The following DMP1 variants were observed in gnomAD, a reference collection of about 807,000 sequenced individuals.
DMP1 encodes dentin matrix protein 1.
A neutral mutation model predicts 14.6 loss-of-function variants in DMP1; 20 were observed. That is an observed-to-expected ratio of 1.37 (90% CI 0.96 to 1.99). DMP1 has a LOEUF of 1.99. DMP1 is among the 30% of genes most tolerant of loss of function. The pLI is 0.00. For synonymous variants in DMP1, 197 were observed against 215.3 expected, an observed-to-expected ratio of 0.91 and a Z score of 0.75; for missense variants, 567 against 620.5, an observed-to-expected ratio of 0.91 and a Z score of 0.92.
In DMP1 at chr4:87,664,046, A is replaced by G. The variant is rs1729015373; in HGVS notation, c.*726A>G. 1 of 143,838 alleles carries G rather than the reference A, an allele frequency of 7.0e-6. No homozygotes were observed. The highest frequency in any genetic ancestry group is 2.6e-5 in the African/African-American group (1 of 37,746). 8.9% of individuals were successfully genotyped at this position (143,838 alleles called of 1,614,324 possible). A position where few individuals can be genotyped will look rare whatever the true frequency, so the allele number is the denominator to read the frequency against. ...TGGATAAGAAAATCTTTTTCTCCCA[A>G]TTAATTTACCAATTCATCATTTTTT... On this transcript the variant is annotated 3_prime_UTR_variant, in exon 6 of 6. Coordinates refer to ENST00000339673, the MANE Select transcript of DMP1 (RefSeq NM_004407.4).
At chr4:87,661,204 ATTTTTTTTT>A (rs70957272) in intron 5 of DMP1, among the ~76,000 whole-genome samples, 3 of 66,654 alleles carry the variant, frequency 4.5e-5, no homozygotes, top group African/African-American at 1.2e-4. Context: ...CAGCCAGCTA[ATTTTTTTTT>A]TTTTTTTTTT....
chr4:87,662,971 A>G lies in DMP1; in HGVS notation c.1193A>G (p.Glu398Gly), dbSNP rs150997378. ...CACACACTCTCCCACTCAAAAAGTG[A>G]ATCCAGAGAGGAGCAAGCAGACAGC... Reference protein sequence around the residue: ...SSHTLSHSKSESREEQADSES... With the variant: ...SSHTLSHSKSGSREEQADSES... Residue 398 changes from glutamate (E) to glycine (G), a missense_variant, in exon 6 of 6, where the codon GAA (glutamate) becomes GGA (glycine). Physicochemically the swap from Glu to Gly is moderately conservative, Grantham distance 98. Transcript: ENST00000339673. The G allele has an allele frequency of 9.9e-6, 16 of 1,614,032 alleles. No individual in the cohort carries two copies. Among genetic ancestry groups the G allele is most frequent in the African/African-American group, 2.7e-5 (2 of 74,912 alleles).
At chr4:87,657,181 C>T in intron 3 of DMP1, 102 bp downstream of exon 3, 4 of 710,366 alleles carry the variant, frequency 5.6e-6, no homozygotes, top group Non-Finnish European at 7.5e-6. Context: ...ATGACTTCAT[C>T]AGCATATTAA....
At position 87,663,399 on chromosome 4, in the gene DMP1, T is replaced by C. The variant is rs576346276; in HGVS notation, c.*79T>C. The C allele has an allele frequency of 1.4e-5, 22 of 1,600,210 alleles. No individual in the cohort carries two copies. In the South Asian group the frequency reaches 2.4e-4, roughly 18 times the overall value. ...AATGTATCATGATAACTATAATTTA[T>C]TGATGTTTTGATCAAAAGAATAACC... On this transcript the variant is annotated 3_prime_UTR_variant, in exon 6 of 6. Coordinates refer to ENST00000339673, the MANE Select transcript of DMP1 (RefSeq NM_004407.4).
intron 2 of DMP1, 136 bp downstream of exon 2, chr4:87,656,682 T>A (rs1255015398): frequency 4.0e-6 from 3 of 750,470 alleles, no homozygotes; most frequent in South Asian, 1.4e-5. Flanking sequence ...GCTGTTTTCT[T>A]AAGAAATATC....
Position 87,662,298 on chromosome 4 carries a change from G to C in DMP1, c.520G>C (p.Val174Leu), listed in dbSNP as rs771702232. The change falls in exon 6 of 6, where the codon GTG (valine) becomes CTG (leucine). Residue 174 changes from valine to leucine, a missense_variant. Coordinates refer to ENST00000339673, the MANE Select transcript of DMP1 (RefSeq NM_004407.4). ...ESRELDNEDR[V>L]DSKPEGGDST... ...CAGGGAACTTGACAATGAGGACCGGGTGGACAGCAAGCCTGAGGGAGGTGA... is the reference window on the plus strand; with the variant it reads ...CAGGGAACTTGACAATGAGGACCGGCTGGACAGCAAGCCTGAGGGAGGTGA... 1 of 1,614,094 alleles carries C rather than the reference G, an allele frequency of 6.2e-7. No individual in the cohort carries two copies. The highest frequency in any genetic ancestry group is 1.7e-5 in the Admixed American group (1 of 60,028).
At chr4:87,658,254 C>G (rs2110013421) in intron 3 of DMP1, among the ~76,000 whole-genome samples, 1 of 152,364 alleles carries the variant, frequency 6.6e-6, no homozygotes, top group Admixed American at 6.5e-5. Flanking sequence ...AGTCCAGCAC[C>G]TCTGAAACGC....
intron 2 of DMP1, among the ~76,000 whole-genome samples, 153 bp downstream of exon 2, chr4:87,656,699 G>A (rs1333127561): frequency 4.6e-5 from 7 of 152,138 alleles, no homozygotes; most frequent in African/African-American, 1.7e-4. Flanking sequence ...TATCATTCAA[G>A]GTGTTTTTTA....
intron 2 of DMP1, 89 bp downstream of exon 2, chr4:87,656,635 A>G (rs1369448369): frequency 1.2e-6 from 1 of 862,622 alleles, no homozygotes; most frequent in Non-Finnish European, 2.0e-6. Flanking sequence ...ATGGCTGTGT[A>G]TGTTCCAGTC....
chr4:87,660,075 G>T (rs1728815874), intron 5 of DMP1, among the ~76,000 whole-genome samples: 1 of 152,126 alleles, frequency 6.6e-6, no homozygotes, highest in Admixed American at 6.6e-5. Context: ...TACTTTCTTA[G>T]CTATGCTATT....
At chr4:87,661,457 C>G (rs34029837) in intron 5 of DMP1, among the ~76,000 whole-genome samples, 1 of 151,606 alleles carries the variant, frequency 6.6e-6, no homozygotes, top group Non-Finnish European at 1.5e-5. Context: ...CTCCTGACCT[C>G]GTGATCCGCC....
chr4:87,663,253 C>G lies in DMP1; in HGVS notation c.1475C>G (p.Thr492Arg). 6.2e-7 allele frequency: 1 copy of G among 1,614,250 alleles called. No individual in the cohort carries two copies. Among genetic ancestry groups the G allele is most frequent in the Non-Finnish European group, 8.5e-7 (1 of 1,180,036 alleles). The part of the protein sequence containing the change: ...KNIEIESRKL[T>R]VDAYHNKPIG... Reference sequence around the variant, plus strand: ...ATTGAGATAGAGAGCCGGAAATTAACAGTTGATGCCTATCACAACAAACCC... The same window carrying G: ...ATTGAGATAGAGAGCCGGAAATTAAGAGTTGATGCCTATCACAACAAACCC... Residue 492 changes from threonine (T) to arginine (R), a missense_variant, in exon 6 of 6, where the codon ACA becomes AGA. Thr to Arg is a moderately conservative substitution (Grantham distance 71). Transcript: ENST00000339673.
At chr4:87,659,750 A>AAC (rs140067969) in intron 5 of DMP1, among the ~76,000 whole-genome samples, 34 of 152,060 alleles carry the variant, frequency 2.2e-4, no homozygotes, top group African/African-American at 4.1e-4. Context: ...CATGCGCAGA[A>AAC]ACACACACAC....
rs1263392942 is a variant in DMP1, at chr4:87,662,141, A to G, written c.363A>G (p.Pro121=). ...CCTTTGGTGACGATGACAGTGGCCC[A>G]GGGCCCAAAGACAGACAAGAAGGAG... is the stretch of plus-strand genomic sequence containing the variant. ...DDTFGDDDSG[P]GPKDRQEGGN... is the part of the protein sequence containing the mutation. The change falls in exon 6 of 6, where the codon CCA becomes CCG. Residue 121 remains proline (P), a synonymous_variant. Coordinates refer to ENST00000339673, the MANE Select transcript of DMP1 (RefSeq NM_004407.4). The G allele has an allele frequency of 1.9e-6, 3 of 1,614,162 alleles. No homozygotes were observed. The highest frequency in any genetic ancestry group is 2.5e-6 in the Non-Finnish European group (3 of 1,180,000).
intron 5 of DMP1, among the ~76,000 whole-genome samples, chr4:87,661,468 C>G (rs970035986): frequency 2.0e-5 from 3 of 151,326 alleles, no homozygotes; most frequent in Admixed American, 1.3e-4. Flanking sequence ...GTGATCCGCC[C>G]GCCTCGGCCT....
intron 5 of DMP1, among the ~76,000 whole-genome samples, chr4:87,661,039 G>T (rs941492146): frequency 6.9e-5 from 10 of 145,152 alleles, no homozygotes; most frequent in Non-Finnish European, 1.4e-4. Flanking sequence ...GTTTTTTTGT[G>T]TGTGTGTTTG....
chr4:87,656,985 C>A (rs1433115943), intron 2 of DMP1, 47 bp from the exon 3 acceptor site: 1 of 1,168,668 alleles, frequency 8.6e-7, no homozygotes, highest in African/African-American at 1.5e-5. Flanking sequence ...ATAACTATTG[C>A]TTTAGAAATT....
rs1227195572 is a variant in DMP1 at position 87,657,624 on chromosome 4, G to T, written c.102+545G>T. ...TATGTTTTATTCTCACTTTACAGAT[G>T]AGAAAACTGATCACAGAGAGTAATT... On this transcript the variant is annotated intron_variant, in intron 3 of 5. Coordinates refer to ENST00000339673, the MANE Select transcript of DMP1 (RefSeq NM_004407.4). Among the ~76,000 whole-genome samples the T allele has an allele frequency of 1.4e-4, 22 of 152,176 alleles. 1 individual carries two copies. The highest frequency in any genetic ancestry group is 1.4e-3 in the Admixed American group (22 of 15,286).
At chr4:87,660,908 A>ATTCT (rs1728843726) in intron 5 of DMP1, 1 of 152,248 alleles carries the variant, frequency 6.6e-6, no homozygotes, top group Non-Finnish European at 1.5e-5. Flanking sequence ...TCCCTCCAGA[A>ATTCT]GAAAAAAAAT....
Sources: allele counts gnomAD v4.1 joint callset (sites outside exome capture counted in the v4.1 genomes callset), GRCh38; gene constraint gnomAD v4.1.1; transcripts MANE v1.5; gene names NCBI Gene and HGNC (gene_info 2026-07-23, HGNC 2026-07-21).